The following OCLN variants were observed in gnomAD, a reference collection of about 807,000 sequenced individuals.
The protein encoded by OCLN is occludin.
A neutral mutation model predicts 47.9 loss-of-function variants in OCLN; 21 were observed. The observed-to-expected ratio is 0.44, with a 90% CI of 0.31 to 0.63. OCLN has a LOEUF of 0.63. OCLN is among the 30% of genes least tolerant of loss of function. The pLI is 0.08. For missense variants in OCLN, 360 were observed against 571.0 expected, an observed-to-expected ratio of 0.63 and a Z score of 3.77; for synonymous variants, 117 against 198.4, an observed-to-expected ratio of 0.59 and a Z score of 3.45.
At chr5:69,502,514 T>C (rs1334575560) in intron 1 of OCLN, 1 of 152,236 alleles carries the variant, frequency 6.6e-6, no homozygotes, top group Non-Finnish European at 1.5e-5. Context: ...TGCCAGGCAT[T>C]GATTTAATCA....
chr5:69,515,596 C>A (rs1291467597), intron 4 of OCLN, among the ~76,000 whole-genome samples: 8 of 150,408 alleles, frequency 5.3e-5, no homozygotes, highest in Non-Finnish European at 7.4e-5. Flanking sequence ...CTGACCCCCC[C>A]ACCTCCCTCC....
chr5:69,513,411 T>C (rs945749641), intron 3 of OCLN, among the ~76,000 whole-genome samples: 1 of 152,240 alleles, frequency 6.6e-6, no homozygotes, highest in African/African-American at 2.4e-5. Flanking sequence ...ATCCATGTCT[T>C]CATCATTTTT....
chr5:69,514,153 A>C, intron 4 of OCLN, 44 bp downstream of exon 4: 1 of 1,542,894 alleles, frequency 6.5e-7, no homozygotes, highest in Non-Finnish European at 9.0e-7. Context: ...TAAAGCCCCA[A>C]ATTTGTGTCT....
chr5:69,492,618 G>A (rs1436912187), upstream of OCLN: 1 of 152,456 alleles, frequency 6.6e-6, no homozygotes, highest in Non-Finnish European at 1.5e-5. Context: ...GGAACCGAGA[G>A]CCAGGTCCAG....
At chr5:69,501,885 C>T (rs1463210631) in intron 1 of OCLN, among the ~76,000 whole-genome samples, 1 of 152,012 alleles carries the variant, frequency 6.6e-6, no homozygotes, top group Non-Finnish European at 1.5e-5. Flanking sequence ...TTGAAATACA[C>T]TGTCCTAAAG....
intron 4 of OCLN, among the ~76,000 whole-genome samples, chr5:69,521,697 C>T (rs549199696): frequency 2.0e-5 from 3 of 152,270 alleles, no homozygotes; most frequent in African/African-American, 7.2e-5. Context: ...TCTGCAGATT[C>T]TACTAACCCT....
chr5:69,507,388 T>C (rs927316408), intron 2 of OCLN, among the ~76,000 whole-genome samples: 3 of 152,080 alleles, frequency 2.0e-5, no homozygotes, highest in African/African-American at 7.2e-5. Context: ...GCCCACCTCC[T>C]AAAGTGCTGG....
At chr5:69,550,392 A>G (rs934999848) in intron 7 of OCLN, among the ~76,000 whole-genome samples, 2 of 150,200 alleles carry the variant, frequency 1.3e-5, no homozygotes, top group African/African-American at 2.4e-5. Context: ...GGGTTTTGCC[A>G]TGTTGGTCAG....
At position 69,492,869 on chromosome 5, in the gene OCLN, C is replaced by T. The variant is rs1050429407; in HGVS notation, c.-100C>T. 1.3e-5 allele frequency: 2 copies of T among 152,394 alleles called. No homozygotes were observed. The highest frequency in any genetic ancestry group is 4.8e-5 in the African/African-American group (2 of 41,460). 9.4% of individuals were successfully genotyped at this position (152,394 alleles called of 1,614,324 possible). On this transcript the variant is annotated 5_prime_UTR_variant, in exon 1 of 9. Coordinates refer to ENST00000396442, the MANE Select transcript of OCLN (RefSeq NM_001205254.2). ...AGCGCGCTCCCTGGCACCGTTGGCC[C>T]CCGGAGGGTCGGGCCCAGTTGCGGC...
rs1769912098 is a variant in OCLN at position 69,554,264 on chromosome 5, TAA to T, written c.*596_*597del. ...ATTTTTTTTCTGTTATATAAATGGT[TAA>T]AAGAGGTTTTTCTTAAATAATAAAG... On this transcript the variant is annotated 3_prime_UTR_variant, in exon 9 of 9. Coordinates refer to ENST00000396442, the MANE Select transcript of OCLN (RefSeq NM_001205254.2). 2 of 146,346 alleles carry T rather than the reference TAA, an allele frequency of 1.4e-5. No individual in the cohort carries two copies. Among genetic ancestry groups the T allele is most frequent in the South Asian group, 4.4e-4 (2 of 4,580 alleles). 9.1% of individuals were successfully genotyped at this position (146,346 alleles called of 1,614,324 possible).
intron 4 of OCLN, among the ~76,000 whole-genome samples, chr5:69,516,428 G>T (rs1351881660): frequency 6.6e-6 from 1 of 152,160 alleles, no homozygotes; most frequent in Non-Finnish European, 1.5e-5. Flanking sequence ...GGAGGCTGCA[G>T]TGAGCCGAGA....
intron 1 of OCLN, among the ~76,000 whole-genome samples, chr5:69,498,220 A>G (rs1215259051): frequency 2.0e-5 from 3 of 152,292 alleles, no homozygotes; most frequent in South Asian, 4.1e-4. Context: ...ATGGCTGGGC[A>G]TGGTGGCTCA....
At chr5:69,502,597 A>G (rs1768491374) in intron 1 of OCLN, 2 of 152,244 alleles carry the variant, frequency 1.3e-5, no homozygotes, top group African/African-American at 4.8e-5. Flanking sequence ...TCCCTACTCT[A>G]CTAATCACTG....
chr5:69,508,513 G>T (rs1409898037), intron 2 of OCLN, among the ~76,000 whole-genome samples: 2 of 152,034 alleles, frequency 1.3e-5, no homozygotes, highest in African/African-American at 4.8e-5. Context: ...GCTAATTTTT[G>T]TATTTTTAGT....
At chr5:69,502,684 G>C (rs1165465718) in intron 1 of OCLN, among the ~76,000 whole-genome samples, 1 of 152,218 alleles carries the variant, frequency 6.6e-6, no homozygotes, top group East Asian at 1.9e-4. Flanking sequence ...GATGTGGGAA[G>C]TACCTTGCCA....
chr5:69,498,922 G>C (rs908110441), intron 1 of OCLN, among the ~76,000 whole-genome samples: 1 of 151,974 alleles, frequency 6.6e-6, no homozygotes, highest in Non-Finnish European at 1.5e-5. Flanking sequence ...CAAGTGATCC[G>C]CCCGTCTTGG....
chr5:69,528,927 G>A (rs1769356046), intron 4 of OCLN, among the ~76,000 whole-genome samples: 1 of 152,156 alleles, frequency 6.6e-6, no homozygotes, highest in Non-Finnish European at 1.5e-5. Flanking sequence ...AAATTAGGGC[G>A]AGGAGAAAAA....
intron 7 of OCLN, among the ~76,000 whole-genome samples, chr5:69,549,668 A>G (rs1405259483): frequency 6.7e-6 from 1 of 149,632 alleles, no homozygotes; most frequent in Non-Finnish European, 1.5e-5. Context: ...TATTTTGTAT[A>G]CATACTGAAA....
At chr5:69,523,960 C>T (rs1332715272) in intron 4 of OCLN, among the ~76,000 whole-genome samples, 1 of 152,152 alleles carries the variant, frequency 6.6e-6, no homozygotes, top group Non-Finnish European at 1.5e-5. Flanking sequence ...ACCATCCTGG[C>T]CAACATGGTG....
Sources: gnomAD v4.1 joint callset for allele counts (sites outside exome capture counted in the v4.1 genomes callset) on GRCh38, gnomAD v4.1.1 for gene constraint, MANE v1.5 for transcripts, NCBI Gene and HGNC (gene_info 2026-07-23, HGNC 2026-07-21) for gene names.